RRP12: variants seen among roughly 807,000 people sequenced by gnomAD.
RRP12 encodes the protein ribosomal RNA processing 12 homolog, also known as RRP12-like protein.
A neutral mutation model predicts 157.3 loss-of-function variants in RRP12; 78 were observed. The observed-to-expected ratio is 0.50, with a 90% CI of 0.41 to 0.60. RRP12 has a LOEUF of 0.60. Among genes scored for constraint, RRP12 ranks in the 20% least tolerant of loss-of-function variants. The pLI, the probability that RRP12 is intolerant of heterozygous loss-of-function variation, is 0.00. For synonymous variants in RRP12, 726 were observed against 670.9 expected (o/e 1.08, Z -1.27); for missense variants, 1,521 against 1,679.9 (o/e 0.91, Z 1.65).
At chr10:97,391,116 A>G (rs1844791868) in intron 4 of RRP12, among the ~76,000 whole-genome samples, 1 of 152,116 alleles carries the variant, frequency 6.6e-6, no homozygotes, top group African/African-American at 2.4e-5. Context: ...CATCTCCAGA[A>G]AGCCTGGGGC....
intron 30 of RRP12, among the ~76,000 whole-genome samples, chr10:97,362,707 G>A (rs1000323402): frequency 6.6e-6 from 1 of 152,150 alleles, no homozygotes; most frequent in African/African-American, 2.4e-5. Context: ...ATCCCAGAGG[G>A]GCTTCCCGCA....
At chr10:97,392,001 G>GTTTTTTTTTTTTTTTTTTTTTT (rs59302286) in intron 4 of RRP12, among the ~76,000 whole-genome samples, 1 of 147,756 alleles carries the variant, frequency 6.8e-6, no homozygotes, top group Non-Finnish European at 1.5e-5. Context: ...CATGTTGTGG[G>GTTTTTTTTTTTTTTTTTTTTTT]TTTTTTTTTT....
chr10:97,391,929 A>T (rs1844816691), intron 4 of RRP12, among the ~76,000 whole-genome samples: 1 of 152,180 alleles, frequency 6.6e-6, no homozygotes, highest in African/African-American at 2.4e-5. Flanking sequence ...CAAAAAGGAA[A>T]AAAACAACAC....
intron 10 of RRP12, among the ~76,000 whole-genome samples, chr10:97,383,788 A>G (rs1844535119): frequency 6.6e-6 from 1 of 152,176 alleles, no homozygotes; most frequent in Non-Finnish European, 1.5e-5. Context: ...AGGATATCCC[A>G]TGGCCAGGAA....
intron 10 of RRP12, among the ~76,000 whole-genome samples, chr10:97,384,262 T>G (rs548925584): frequency 7.2e-6 from 1 of 138,766 alleles, no homozygotes; most frequent in South Asian, 2.4e-4. Flanking sequence ...CCCCGAACCT[T>G]GGCAGCCAGG....
chr10:97,370,831 A>G (rs376830541), intron 21 of RRP12, 35 bp from the exon 22 acceptor site: 10 of 1,610,756 alleles, frequency 6.2e-6, no homozygotes, highest in African/African-American at 2.7e-5. Context: ...GGACCCCTCA[A>G]TGCTACCTCC....
rs778164177 is a variant in RRP12, at chr10:97,379,320, G to C, written c.1771C>G (p.Pro591Ala). ...RLGFFTTYFL[P>A]LANTLKSKAM... ...TTGCTCTTCAGGGTGTTAGCCAGGG[G>C]CAAGAAGTAGGTGGTGAAAAAACCA... The change falls in exon 15 of 34, where the codon CCC (proline) becomes GCC (alanine). Residue 591 changes from proline to alanine, a missense_variant. Transcript: ENST00000370992. The C allele has an allele frequency of 1.2e-6, 2 of 1,614,096 alleles. No homozygotes were observed. The highest frequency in any genetic ancestry group is 1.7e-5 in the Admixed American group (1 of 60,016).
intron 33 of RRP12, among the ~76,000 whole-genome samples, 182 bp from the exon 34 acceptor site, chr10:97,357,378 C>G (rs1304223171): frequency 6.6e-6 from 1 of 152,180 alleles, no homozygotes; most frequent in African/African-American, 2.4e-5. Context: ...ATGTCCTGAC[C>G]TGGACATTCC....
rs914284853 is a variant in RRP12, at chr10:97,367,203, C to A, written c.2956-71G>T. Reference sequence around the variant, plus strand: ...CTGCGCCCCCTTTACTGCTGTCCAGCCCAGGGACGCAGCATGATCAAGCCC... The same window carrying A: ...CTGCGCCCCCTTTACTGCTGTCCAGACCAGGGACGCAGCATGATCAAGCCC... On this transcript the variant is annotated intron_variant, in intron 25 of 33. Coordinates refer to ENST00000370992, the MANE Select transcript of RRP12 (RefSeq NM_015179.4). The A allele has an allele frequency of 3.8e-6, 5 of 1,317,384 alleles. No individual in the cohort carries two copies. In the African/African-American group the frequency reaches 7.2e-5, roughly 19 times the overall value. 81.6% of individuals were successfully genotyped at this position (1,317,384 alleles called of 1,614,324 possible). A position where few individuals can be genotyped will look rare whatever the true frequency, so the allele number is the denominator to read the frequency against.
At position 97,396,786 on chromosome 10, in the gene RRP12, G is replaced by T. The variant is rs999139053; in HGVS notation, c.370-485C>A. Among the ~76,000 whole-genome samples, 100 of 151,874 alleles carry T rather than the reference G, an allele frequency of 6.6e-4. 2 individuals are homozygous for T. Among genetic ancestry groups the T allele is most frequent in the African/African-American group, 2.4e-3 (99 of 41,416 alleles). Reference sequence around the variant, plus strand: ...CCCATATACTTTATTTATTTTTTTTGAGATAGAGTCTCACTGTTAGCTAGG... The same window carrying T: ...CCCATATACTTTATTTATTTTTTTTTAGATAGAGTCTCACTGTTAGCTAGG... On this transcript the variant is annotated intron_variant, in intron 2 of 33. Transcript: ENST00000370992.
chr10:97,373,983 G>T, intron 15 of RRP12, 89 bp from the exon 16 acceptor site: 1 of 1,075,740 alleles, frequency 9.3e-7, no homozygotes, highest in Non-Finnish European at 1.4e-6. Flanking sequence ...GCCCAATGAT[G>T]AGGACAGGAA....
chr10:97,373,273 C>G, intron 17 of RRP12, 73 bp from the exon 18 acceptor site: 1 of 1,483,344 alleles, frequency 6.7e-7, no homozygotes. Flanking sequence ...GGGGCTGTGG[C>G]CCAGAGGCCC....
chr10:97,369,349 C>T, intron 25 of RRP12, 76 bp downstream of exon 25: 1 of 1,463,346 alleles, frequency 6.8e-7, no homozygotes. Flanking sequence ...AACTTGCTGG[C>T]CTCGAAGCTT....
intron 30 of RRP12, among the ~76,000 whole-genome samples, chr10:97,363,131 C>T (rs537143448): frequency 6.6e-6 from 1 of 152,306 alleles, no homozygotes; most frequent in East Asian, 1.9e-4. Flanking sequence ...CTGTCACCTA[C>T]GGGTGGTGCC....
At position 97,369,563 on chromosome 10, in the gene RRP12, T is replaced by G; in HGVS notation, c.2817A>C (p.Thr939=). The part of the protein sequence containing the change: ...FEFKGLMGTS[T]VEQLLENVCL... ...ACACATTCTCCAGCAGCTGCTCCAC[T>G]GTACTGGTCCCCATCAGACCTGTGG... The change falls in exon 25 of 34, where the codon ACA becomes ACC. Residue 939 remains threonine (T), a synonymous_variant. Coordinates refer to ENST00000370992, the MANE Select transcript of RRP12 (RefSeq NM_015179.4). 2 of 1,569,100 alleles carry G rather than the reference T, an allele frequency of 1.3e-6. No homozygotes were observed. Among genetic ancestry groups the G allele is most frequent in the Non-Finnish European group, 1.7e-6 (2 of 1,156,672 alleles).
intron 15 of RRP12, among the ~76,000 whole-genome samples, chr10:97,375,782 G>T (rs7088410): frequency 0.38 from 58,007 of 151,940 alleles, 11,532 homozygotes; most frequent in African/African-American, 0.5. Context: ...AATTCCAACA[G>T]AGTAGAAATA....
In RRP12 at chr10:97,366,836, G is replaced by C. The variant is rs183155457; in HGVS notation, c.3121C>G (p.Arg1041Gly). The C allele has an allele frequency of 8.7e-6, 14 of 1,613,996 alleles. No individual in the cohort carries two copies. Among genetic ancestry groups the C allele is most frequent in the Non-Finnish European group, 8.5e-7 (1 of 1,180,048 alleles). ...CTCAGGGCTCGGTGCCTCTTGGCCC[G>C]GGCCTCAGCTTTCCGGATGTTGACC... is the stretch of plus-strand genomic sequence containing the variant. ...VLVNIRKAEARAKRHRALSQA... is the reference protein window; with the variant it reads ...VLVNIRKAEAGAKRHRALSQA... Residue 1041 changes from arginine to glycine, a missense_variant, in exon 27 of 34, where the codon CGG (arginine) becomes GGG (glycine). Arg to Gly is a moderately radical substitution (Grantham distance 125). Transcript: ENST00000370992.
intron 24 of RRP12, 117 bp downstream of exon 24, chr10:97,370,050 G>T: frequency 2.7e-6 from 2 of 727,820 alleles, no homozygotes; most frequent in Non-Finnish European, 4.6e-6. Context: ...GCTGGGTGTG[G>T]CTTTTCTTAC....
At chr10:97,394,878 C>T (rs1844912352) in intron 3 of RRP12, among the ~76,000 whole-genome samples, 1 of 151,918 alleles carries the variant, frequency 6.6e-6, no homozygotes, top group Admixed American at 6.6e-5. Context: ...CATGGTGGCT[C>T]ATGCCTGTAA....
Sources: allele counts gnomAD v4.1 joint callset (sites outside exome capture counted in the v4.1 genomes callset), GRCh38; gene constraint gnomAD v4.1.1; transcripts MANE v1.5; gene names NCBI Gene and HGNC (gene_info 2026-07-23, HGNC 2026-07-21).